The following ATP2A3 variants were observed in gnomAD, a reference collection of about 807,000 sequenced individuals.
The protein encoded by ATP2A3 is ATPase sarcoplasmic/endoplasmic reticulum Ca2+ transporting 3.
A neutral mutation model predicts 106.8 loss-of-function variants in ATP2A3; 61 were observed. The ratio of observed to expected loss-of-function variants is 0.57; its 90% CI spans 0.46 to 0.71. The LOEUF (loss-of-function observed/expected upper bound fraction) is 0.71, where lower values mean the gene tolerates loss of function less well. Among genes scored for constraint, ATP2A3 ranks in the 30% least tolerant of loss-of-function variants. The pLI, the probability that ATP2A3 is intolerant of heterozygous loss-of-function variation, is 0.00. For missense variants in ATP2A3, 1,201 were observed against 1,423.5 expected (o/e 0.84, Z 2.52); for synonymous variants, 611 against 609.3 (o/e 1.00, Z -0.04).
chr17:3,931,477 T>C (rs2053080355), intron 17 of ATP2A3, among the ~76,000 whole-genome samples: 1 of 152,082 alleles, frequency 6.6e-6, no homozygotes, highest in Admixed American at 6.5e-5. Context: ...ACCAAAAATA[T>C]AGATCCTGCT....
At position 3,955,827 on chromosome 17, in the gene ATP2A3, G is replaced by C. The variant is rs1334110671; in HGVS notation, c.119-2117C>G. 6.6e-6 allele frequency among the ~76,000 whole-genome samples: 1 copy of C among 152,098 alleles called. No homozygotes were observed. Among genetic ancestry groups the C allele is most frequent in the Non-Finnish European group, 1.5e-5 (1 of 68,002 alleles). ...ACTTCCCCACAAAGGTCCCCATGAT[G>C]CCTCCTGCCTGCCCCGGCTGGTCTC... On this transcript the variant is annotated intron_variant, in intron 1 of 20. Transcript: ENST00000397041. The surrounding 1 kb of genome is among the most constrained non-coding windows in gnomAD (Gnocchi z 4.2).
intron 7 of ATP2A3, among the ~76,000 whole-genome samples, chr17:3,949,276 C>T (rs780200961): frequency 2.6e-5 from 4 of 152,132 alleles, no homozygotes; most frequent in African/African-American, 4.8e-5. Flanking sequence ...TGCCCCTAAA[C>T]GCTCCTTGCT....
chr17:3,942,868 A>G lies in ATP2A3; in HGVS notation c.1420-137T>C, dbSNP rs2053864133. The G allele has an allele frequency of 3.8e-6, 5 of 1,331,244 alleles. No homozygotes were observed. The Admixed American group carries it at 1.0e-4, about 27-fold the overall frequency. The allele number at this position is 1,331,244 out of a possible 1,614,324, so 82.5% of individuals were successfully genotyped here. On this transcript the variant is annotated intron_variant, in intron 11 of 20. Transcript: ENST00000397041. ...CTACACTCCTCTGACCCCACCATTC[A>G]AGGCCTCCATTTCCCTCTCCAGCCC... is the stretch of plus-strand genomic sequence containing the variant.
chr17:3,928,141 C>G lies in ATP2A3; in HGVS notation c.2980+522G>C. The G allele has an allele frequency of 6.3e-7, 1 of 1,599,102 alleles. No homozygotes were observed. Among genetic ancestry groups the G allele is most frequent in the Non-Finnish European group, 8.6e-7 (1 of 1,166,678 alleles). On this transcript the variant is annotated intron_variant, in intron 20 of 20. Transcript: ENST00000397041. The surrounding 1 kb of genome is among the most constrained non-coding windows in gnomAD (Gnocchi z 6.1). Reference sequence around the variant, plus strand: ...TCTCTCCAGCCCGACACCTGCCATCCTGTCCTCTCCACTCCGGGGTTAAGG... The same window carrying G: ...TCTCTCCAGCCCGACACCTGCCATCGTGTCCTCTCCACTCCGGGGTTAAGG...
At chr17:3,963,534 A>G (rs1303611213) in intron 1 of ATP2A3, among the ~76,000 whole-genome samples, 4 of 152,304 alleles carry the variant, frequency 2.6e-5, no homozygotes, top group Non-Finnish European at 5.9e-5. Context: ...GAGATGGGAA[A>G]GGCCTCCCTG....
rs2054416830 is a variant in ATP2A3 at position 3,951,344 on chromosome 17, G to T, written c.370C>A (p.Pro124Thr). The change falls in exon 5 of 21, where the codon CCT (proline) becomes ACT (threonine). Residue 124 changes from proline to threonine, a missense_variant. Around this residue, in one of 2 missense-constraint regions of ATP2A3, gnomAD observed 266 missense variants for 246.8 expected, o/e 1.08. Coordinates refer to ENST00000397041, the MANE Select transcript of ATP2A3 (RefSeq NM_005173.4). ...GAGCGGATCACCTTGCCCATCTCAG[G>T]CTCATACTCCTTCAGGGCCTCGATG... Reference protein sequence around the residue: ...SAIEALKEYEPEMGKVIRSDR... With the variant: ...SAIEALKEYETEMGKVIRSDR... 21 of 1,613,808 alleles carry T rather than the reference G, an allele frequency of 1.3e-5. No individual in the cohort carries two copies. In the East Asian group the frequency reaches 4.7e-4, roughly 36 times the overall value.
At position 3,928,709 on chromosome 17, in the gene ATP2A3, G is replaced by A; in HGVS notation, c.2934C>T (p.Ile978=). ...GGTACTTGAGGGCCTCATCCAGCAGGATGACAGGCAGAGATATCTGGAGCA... is the reference window on the plus strand; with the variant it reads ...GGTACTTGAGGGCCTCATCCAGCAGAATGACAGGCAGAGATATCTGGAGCA... The part of the protein sequence containing the change: ...VVVLQISLPV[I]LLDEALKYLS... Residue 978 remains isoleucine, a synonymous_variant, in exon 20 of 21, where the codon ATC becomes ATT. Coordinates refer to ENST00000397041, the MANE Select transcript of ATP2A3 (RefSeq NM_005173.4). This position sits in a 1 kb window ranked among gnomAD's most constrained non-coding sequence, Gnocchi z 6.1. 3 of 1,551,560 alleles carry A rather than the reference G, an allele frequency of 1.9e-6. No individual in the cohort carries two copies. Among genetic ancestry groups the A allele is most frequent in the Non-Finnish European group, 2.6e-6 (3 of 1,147,226 alleles).
In ATP2A3 at chr17:3,947,359, C is replaced by CG; in HGVS notation, c.1095+31dup. 6.2e-7 allele frequency: 1 copy of CG among 1,607,956 alleles called. No individual in the cohort carries two copies. The highest frequency in any genetic ancestry group is 8.5e-7 in the Non-Finnish European group (1 of 1,175,142). ...AGAGGGAGCCCAGCCTGCTCTGCAACGCACAGCAACACCAAGCTGGCCGTC... is the reference window on the plus strand; with the variant it reads ...AGAGGGAGCCCAGCCTGCTCTGCAACGGCACAGCAACACCAAGCTGGCCGTC... On this transcript the variant is annotated intron_variant, in intron 8 of 20. Coordinates refer to ENST00000397041, the MANE Select transcript of ATP2A3 (RefSeq NM_005173.4). This position sits in a 1 kb window ranked among gnomAD's most constrained non-coding sequence, Gnocchi z 7.7.
In ATP2A3 at chr17:3,930,182, C is replaced by T. The variant is rs186613169; in HGVS notation, c.2744+119G>A. ...GCCCTCAGCCCCCACTCCTCGGCCC[C>T]AGCTCCAGGCCCTGCGCCCAGCCCA... is the stretch of plus-strand genomic sequence containing the variant. On this transcript the variant is annotated intron_variant, in intron 18 of 20. Coordinates refer to ENST00000397041, the MANE Select transcript of ATP2A3 (RefSeq NM_005173.4). This position sits in a 1 kb window ranked among gnomAD's most constrained non-coding sequence, Gnocchi z 5.4. 2.3e-4 allele frequency: 282 copies of T among 1,241,580 alleles called. 10 individuals carry two copies. In the African/African-American group the frequency reaches 4.0e-3, roughly 18 times the overall value. The allele number at this position is 1,241,580 out of a possible 1,614,324, so 76.9% of individuals were successfully genotyped here. A position where few individuals can be genotyped will look rare whatever the true frequency, so the allele number is the denominator to read the frequency against.
At chr17:3,942,525 G>A (rs2053838728) in intron 12 of ATP2A3, 81 bp downstream of exon 12, 5 of 1,564,016 alleles carry the variant, frequency 3.2e-6, no homozygotes, top group Non-Finnish European at 4.3e-6. Flanking sequence ...TCACACGGGA[G>A]GACTGGGGCT....
chr17:3,951,866 G>A (rs950520443), intron 3 of ATP2A3, among the ~76,000 whole-genome samples, 181 bp from the exon 4 acceptor site: 1 of 152,176 alleles, frequency 6.6e-6, no homozygotes, highest in African/African-American at 2.4e-5. Context: ...CACCCCACAG[G>A]AGTGACCACC....
In ATP2A3 at chr17:3,926,026, A is replaced by G. The variant is rs1022633542; in HGVS notation, c.2981-585T>C. Among the ~76,000 whole-genome samples, 2 of 151,492 alleles carry G rather than the reference A, an allele frequency of 1.3e-5. No individual in the cohort carries two copies. Among genetic ancestry groups the G allele is most frequent in the Non-Finnish European group, 2.9e-5 (2 of 67,890 alleles). ...CTGTAACCTCCCAGATCTGTCCCCA[A>G]TACAACCACCACAGCCCAGCCCCCA... On this transcript the variant is annotated intron_variant, in intron 20 of 20. Transcript: ENST00000397041. This position sits in a 1 kb window ranked among gnomAD's most constrained non-coding sequence, Gnocchi z 4.6.
intron 1 of ATP2A3, among the ~76,000 whole-genome samples, chr17:3,959,673 A>T (rs1403332401): frequency 6.6e-6 from 1 of 152,200 alleles, no homozygotes. Flanking sequence ...GAGCAATTAA[A>T]TCGTCACTTG....
At position 3,941,604 on chromosome 17, in the gene ATP2A3, G is replaced by T. The variant is rs775693878; in HGVS notation, c.1596C>A (p.Ser532Arg). The change falls in exon 13 of 21, where the codon AGC becomes AGA. Residue 532 changes from serine to arginine, a missense_variant. Ser to Arg is a moderately radical substitution (Grantham distance 110, BLOSUM62 -1). Transcript: ENST00000397041. ...IERCSSVRVG[S>R]RTAPLTPTSR... Reference sequence around the variant, plus strand: ...AGGTGGGGGTCAGGGGTGCTGTGCGGCTCCCCACGCGGACTGAGCTACAGC... The same window carrying T: ...AGGTGGGGGTCAGGGGTGCTGTGCGTCTCCCCACGCGGACTGAGCTACAGC... 6.2e-7 allele frequency: 1 copy of T among 1,611,948 alleles called. No individual in the cohort carries two copies. Among genetic ancestry groups the T allele is most frequent in the Admixed American group, 1.7e-5 (1 of 60,032 alleles).
intron 10 of ATP2A3, 99 bp downstream of exon 10, chr17:3,944,605 G>A (rs373907452): frequency 1.3e-5 from 17 of 1,287,734 alleles, no homozygotes; most frequent in East Asian, 9.9e-5. Flanking sequence ...GCACTTCCAG[G>A]GAGCAAGGGC....
At position 3,930,574 on chromosome 17, in the gene ATP2A3, G is replaced by T; in HGVS notation, c.2611-140C>A. ...AAACACTGCCGTGGGGTGGGCTGGG[G>T]ATCCCGGGAGGGGTGCGGGGTCGGG... is the stretch of plus-strand genomic sequence containing the variant. On this transcript the variant is annotated intron_variant, in intron 17 of 20. Coordinates refer to ENST00000397041, the MANE Select transcript of ATP2A3 (RefSeq NM_005173.4). The surrounding 1 kb of genome is among the most constrained non-coding windows in gnomAD (Gnocchi z 5.4). 26 of 841,224 alleles carry T rather than the reference G, an allele frequency of 3.1e-5. No individual in the cohort carries two copies. Among genetic ancestry groups the T allele is most frequent in the East Asian group, 5.0e-5 (1 of 19,882 alleles). 52.1% of individuals were successfully genotyped at this position (841,224 alleles called of 1,614,324 possible). A position where few individuals can be genotyped will look rare whatever the true frequency, so the allele number is the denominator to read the frequency against.
chr17:3,951,165 T>G (rs1214742495), intron 5 of ATP2A3, 86 bp downstream of exon 5: 1 of 1,124,922 alleles, frequency 8.9e-7, no homozygotes, highest in Non-Finnish European at 1.1e-6. Context: ...AGAGCACGAC[T>G]CCATCTCAAA....
chr17:3,950,728 G>A lies in ATP2A3; in HGVS notation c.509C>T (p.Ser170Phe), dbSNP rs1307304539. ...PADLRLIEIK[S>F]TTLRVDQSIL... ...GGACTGGTCCACTCGCAGCGTGGTGGACTTGATCTCGATGAGGCGGAGGTC... is the reference window on the plus strand; with the variant it reads ...GGACTGGTCCACTCGCAGCGTGGTGAACTTGATCTCGATGAGGCGGAGGTC... The change falls in exon 6 of 21, where the codon TCC becomes TTC. Residue 170 changes from serine to phenylalanine, a missense_variant. Ser to Phe is a radical substitution (Grantham distance 155, BLOSUM62 -2). This residue lies in a region of ATP2A3 where 266 missense variants were observed against 246.8 expected (regional missense o/e 1.08). Transcript: ENST00000397041. 2 of 1,613,872 alleles carry A rather than the reference G, an allele frequency of 1.2e-6. No individual in the cohort carries two copies. The highest frequency in any genetic ancestry group is 3.3e-5 in the Admixed American group (2 of 59,998).
rs1273349949 is a variant in ATP2A3 at position 3,928,400 on chromosome 17, T to C, written c.2980+263A>G. The C allele has an allele frequency of 7.1e-7, 1 of 1,415,306 alleles. No individual in the cohort carries two copies. Among genetic ancestry groups the C allele is most frequent in the Non-Finnish European group, 9.8e-7 (1 of 1,016,872 alleles). The allele number at this position is 1,415,306 out of a possible 1,614,324, so 87.7% of individuals were successfully genotyped here. ...CCCTGGCCATGTAGGGGGTGGCAGG[T>C]GAAGACAGTGAGGCAGTGTGGCCCA... On this transcript the variant is annotated intron_variant, in intron 20 of 20. Transcript: ENST00000397041. This position sits in a 1 kb window ranked among gnomAD's most constrained non-coding sequence, Gnocchi z 6.1.
Sources: gnomAD v4.1 joint callset for allele counts (sites outside exome capture counted in the v4.1 genomes callset) on GRCh38, gnomAD v4.1.1 for gene constraint, gnomAD v4.1.1 regional missense constraint, Gnocchi (gnomAD v3.1) non-coding constraint, MANE v1.5 for transcripts, NCBI Gene and HGNC (gene_info 2026-07-23, HGNC 2026-07-21) for gene names.